SPART: variants seen among roughly 807,000 people sequenced by gnomAD.
The protein encoded by SPART is spastic paraplegia 20 (Troyer syndrome).
A neutral mutation model predicts 58.7 loss-of-function variants in SPART; 35 were observed. The observed-to-expected ratio is 0.60, with a 90% CI of 0.46 to 0.79. The LOEUF (loss-of-function observed/expected upper bound fraction) is 0.79, where lower values mean the gene tolerates loss of function less well. SPART is among the 30% of genes least tolerant of loss of function. The pLI is 0.00. For synonymous variants in SPART, 284 were observed against 280.7 expected (o/e 1.01, Z -0.12); for missense variants, 730 against 786.1 (o/e 0.93, Z 0.85).
At chr13:36,323,268 A>G (rs770557302) in intron 5 of SPART, among the ~76,000 whole-genome samples, 2 of 152,156 alleles carry the variant, frequency 1.3e-5, no homozygotes, top group Non-Finnish European at 1.5e-5. Context: ...CACAACCACT[A>G]AAGTGTTTCA....
intron 8 of SPART, among the ~76,000 whole-genome samples, chr13:36,310,820 C>T (rs1881013204): frequency 6.6e-6 from 1 of 151,760 alleles, no homozygotes; most frequent in Non-Finnish European, 1.5e-5. Flanking sequence ...TGAAGGCAGT[C>T]ACACAAATCA....
intron 1 of SPART, among the ~76,000 whole-genome samples, chr13:36,337,263 CT>C (rs1387154273): frequency 6.6e-6 from 1 of 152,234 alleles, no homozygotes; most frequent in Non-Finnish European, 1.5e-5. Flanking sequence ...TCTGTGCCCC[CT>C]GGGGCATGAA....
chr13:36,304,661 A>G (rs1323017561), intron 8 of SPART, 29 bp from the exon 9 acceptor site: 6 of 1,605,854 alleles, frequency 3.7e-6, no homozygotes, highest in Non-Finnish European at 4.3e-6. Context: ...AGGACATACA[A>G]TGAAACAATA....
intron 1 of SPART, among the ~76,000 whole-genome samples, chr13:36,344,472 A>C (rs2137648435): frequency 6.6e-6 from 1 of 152,296 alleles, no homozygotes; most frequent in Middle Eastern, 3.4e-3. Flanking sequence ...GAAAAAAAGG[A>C]TACACGAGAG....
At chr13:36,344,493 G>T (rs1884872534) in intron 1 of SPART, among the ~76,000 whole-genome samples, 3 of 152,122 alleles carry the variant, frequency 2.0e-5, no homozygotes, top group Non-Finnish European at 4.4e-5. Context: ...AAGAGCCTGG[G>T]TATCTAGAGG....
At chr13:36,367,253 C>CT (rs1237103311) in intron 1 of SPART, among the ~76,000 whole-genome samples, 2 of 152,184 alleles carry the variant, frequency 1.3e-5, no homozygotes, top group African/African-American at 4.8e-5. Flanking sequence ...ACATGGAGGC[C>CT]TTCTTGCCCT....
At position 36,303,299 on chromosome 13, in the gene SPART, C is replaced by G. The variant is rs1880165919; in HGVS notation, c.*1066G>C. Reference sequence around the variant, plus strand: ...AATTCAATAAACAAAAATTAAATACCATTAGGTATTTAGTTACATAGTTTT... The same window carrying G: ...AATTCAATAAACAAAAATTAAATACGATTAGGTATTTAGTTACATAGTTTT... On this transcript the variant is annotated 3_prime_UTR_variant, in exon 9 of 9. Coordinates refer to ENST00000438666, the MANE Select transcript of SPART (RefSeq NM_015087.5). 6.6e-6 allele frequency: 1 copy of G among 151,944 alleles called. No homozygotes were observed. Among genetic ancestry groups the G allele is most frequent in the Admixed American group, 6.6e-5 (1 of 15,258 alleles). The allele number at this position is 151,944 out of a possible 1,614,324, so 9.4% of individuals were successfully genotyped here.
chr13:36,304,381 T>A lies in SPART; in HGVS notation c.1985A>T (p.Lys662Met), dbSNP rs1880274664. The A allele has an allele frequency of 1.2e-6, 2 of 1,614,100 alleles. No homozygotes were observed. Among genetic ancestry groups the A allele is most frequent in the Middle Eastern group, 3.3e-4 (2 of 6,058 alleles). The change falls in exon 9 of 9, where the codon AAG (lysine) becomes ATG (methionine). Residue 662 changes from lysine (K) to methionine (M), a missense_variant. By Grantham distance (95) the Lys-to-Met change is moderately conservative. Transcript: ENST00000438666. ...AGCACTTCATCATTTATCTTTCTTC[T>A]TTGCCTCCTTTACTTCCTTCGTCTG... Reference protein sequence around the residue: ...DEQTKEVKEAKKKDK With the variant: ...DEQTKEVKEAMKKDK
chr13:36,365,907 A>G (rs1886034589), intron 1 of SPART: 1 of 193,872 alleles, frequency 5.2e-6, no homozygotes, highest in Non-Finnish European at 1.2e-5. Context: ...AAATCCTGCA[A>G]ATTCAACCCT....
intron 1 of SPART, among the ~76,000 whole-genome samples, chr13:36,351,962 G>T (rs1885428609): frequency 6.6e-6 from 1 of 152,000 alleles, no homozygotes; most frequent in Non-Finnish European, 1.5e-5. Context: ...TAGATGTCAG[G>T]GTATCCATCT....
intron 6 of SPART, 39 bp downstream of exon 6, chr13:36,314,188 T>C: frequency 5.8e-6 from 9 of 1,559,524 alleles, no homozygotes; most frequent in African/African-American, 1.4e-5. Flanking sequence ...TTATTTTAAA[T>C]ATAACTTTAA....
chr13:36,368,143 A>G (rs183862456), intron 1 of SPART: 3 of 454,338 alleles, frequency 6.6e-6, no homozygotes, highest in African/African-American at 4.0e-5. Context: ...GCATATTTTA[A>G]ACATGTCAAC....
chr13:36,356,511 C>A (rs773925582), intron 1 of SPART, among the ~76,000 whole-genome samples: 2 of 152,208 alleles, frequency 1.3e-5, no homozygotes. Context: ...AGACAGCCTG[C>A]CCTTTCTGTT....
intron 2 of SPART, among the ~76,000 whole-genome samples, chr13:36,333,922 T>C (rs1192435209): frequency 6.6e-6 from 1 of 152,170 alleles, no homozygotes; most frequent in Non-Finnish European, 1.5e-5. Flanking sequence ...CTTTCAATAA[T>C]GCCCTCAAAG....
intron 8 of SPART, among the ~76,000 whole-genome samples, chr13:36,310,144 T>C (rs1050993954): frequency 6.6e-6 from 1 of 152,150 alleles, no homozygotes; most frequent in Non-Finnish European, 1.5e-5. Context: ...GATAACAGTG[T>C]TGAAAATTAA....
At chr13:36,334,544 A>T (rs1228839042) in intron 2 of SPART, among the ~76,000 whole-genome samples, 1 of 152,074 alleles carries the variant, frequency 6.6e-6, no homozygotes, top group Non-Finnish European at 1.5e-5. Context: ...ACAACCAAAA[A>T]TGCCTCCAGA....
intron 8 of SPART, among the ~76,000 whole-genome samples, chr13:36,307,042 A>G (rs1245242908): frequency 7.9e-5 from 12 of 152,194 alleles, no homozygotes; most frequent in African/African-American, 2.9e-4. Flanking sequence ...TAATAGGCAT[A>G]TGTTCTTTTC....
At chr13:36,361,262 CTT>C (rs1265269919) in intron 1 of SPART, among the ~76,000 whole-genome samples, 2 of 152,070 alleles carry the variant, frequency 1.3e-5, no homozygotes, top group African/African-American at 4.8e-5. Context: ...AAGAATCTGT[CTT>C]TTTCAGGATA....
upstream of SPART, among the ~76,000 whole-genome samples, chr13:36,350,713 A>G (rs1293755001): frequency 6.6e-6 from 1 of 152,204 alleles, no homozygotes; most frequent in East Asian, 1.9e-4. Flanking sequence ...GAAAATTACC[A>G]TCATACCATT....
Sources: gnomAD v4.1 joint callset for allele counts (sites outside exome capture counted in the v4.1 genomes callset) on GRCh38, gnomAD v4.1.1 for gene constraint, MANE v1.5 for transcripts, NCBI Gene and HGNC (gene_info 2026-07-23, HGNC 2026-07-21) for gene names.